PPFIA2: variants seen among roughly 807,000 people sequenced by gnomAD.
The protein encoded by PPFIA2 is PPFI scaffold protein A2.
In PPFIA2, 46 loss-of-function variants were observed where a neutral mutation model predicts 175.5. That is an observed-to-expected ratio of 0.26 (90% CI 0.21 to 0.34). The LOEUF is 0.34. Ranked by LOEUF, PPFIA2 falls within the 10% of genes least tolerant of loss-of-function variation. The pLI, the probability that PPFIA2 is intolerant of heterozygous loss-of-function variation, is 1.00. For synonymous variants in PPFIA2, 568 were observed against 511.4 expected (o/e 1.11, Z -1.49); for missense variants, 1,179 against 1,506.1 (o/e 0.78, Z 3.60).
At chr12:81,462,243 T>C (rs1227253863) in intron 4 of PPFIA2, among the ~76,000 whole-genome samples, 2 of 125,102 alleles carry the variant, frequency 1.6e-5, no homozygotes, top group South Asian at 2.6e-4. Context: ...TTGTCTGCCA[T>C]GCTTTTCTAA....
chr12:81,711,561 A>G (rs1208241965), intron 3 of PPFIA2, among the ~76,000 whole-genome samples: 1 of 151,376 alleles, frequency 6.6e-6, no homozygotes, highest in Non-Finnish European at 1.5e-5. Context: ...TGCTATAGTA[A>G]TAACACCTGT....
rs184541132 is a variant in PPFIA2, at chr12:81,485,206, C to T, written c.304-27340G>A. ...AAGTGATACTTCCATAAATGTGAAC[C>T]CAATGCATTATCTAGTCAATATATG... On this transcript the variant is annotated intron_variant, in intron 4 of 32. Transcript: ENST00000549396. 5.9e-5 allele frequency among the ~76,000 whole-genome samples: 9 copies of T among 151,792 alleles called. No individual in the cohort carries two copies. In the East Asian group the frequency reaches 1.7e-3, roughly 29 times the overall value.
intron 3 of PPFIA2, among the ~76,000 whole-genome samples, chr12:81,725,847 T>A (rs1214582329): frequency 6.6e-6 from 1 of 150,896 alleles, no homozygotes; most frequent in Non-Finnish European, 1.5e-5. Context: ...CATAAAAACC[T>A]TAAGAGGACC....
chr12:81,448,559 C>T, intron 5 of PPFIA2, among the ~76,000 whole-genome samples: 1 of 152,190 alleles, frequency 6.6e-6, no homozygotes, highest in Non-Finnish European at 1.5e-5. Flanking sequence ...CCTTATACAT[C>T]CCAAAGGGAT....
At chr12:81,264,940 CTA>C (rs565664067) in intron 30 of PPFIA2, among the ~76,000 whole-genome samples, 224 of 152,226 alleles carry the variant, frequency 1.5e-3, no homozygotes, top group Non-Finnish European at 1.4e-3. Context: ...TTATAAAACA[CTA>C]TGTTACACTG....
At chr12:81,280,764 A>G (rs921075801) in intron 27 of PPFIA2, among the ~76,000 whole-genome samples, 1 of 152,130 alleles carries the variant, frequency 6.6e-6, no homozygotes, top group Admixed American at 6.6e-5. Flanking sequence ...TTAATATACA[A>G]ATAAGCAAAC....
chr12:81,380,190 C>T (rs1351336591), intron 9 of PPFIA2, among the ~76,000 whole-genome samples: 1 of 151,974 alleles, frequency 6.6e-6, no homozygotes, highest in Non-Finnish European at 1.5e-5. Context: ...CATAGTGGGA[C>T]CCTTTCTCTA....
rs375103049 is a variant in PPFIA2 at position 81,583,718 on chromosome 12, G to A, written c.303+93073C>T. 2.6e-5 allele frequency among the ~76,000 whole-genome samples: 4 copies of A among 151,930 alleles called. 1 individual carries two copies. The East Asian group carries it at 7.8e-4, about 30-fold the overall frequency. ...TGTCTATGTGTGCATAACACAACAT[G>A]GAGACAGGGAATGGCATCCCTAAAG... On this transcript the variant is annotated intron_variant, in intron 4 of 32. Coordinates refer to ENST00000549396, the MANE Select transcript of PPFIA2 (RefSeq NM_003625.5).
intron 4 of PPFIA2, among the ~76,000 whole-genome samples, chr12:81,507,687 C>G (rs762148531): frequency 1.3e-5 from 2 of 152,188 alleles, no homozygotes; most frequent in Non-Finnish European, 2.9e-5. Flanking sequence ...CTGTAGTAAC[C>G]TAACTGATCT....
chr12:81,574,505 T>C (rs2073151744), intron 4 of PPFIA2, among the ~76,000 whole-genome samples: 1 of 151,782 alleles, frequency 6.6e-6, no homozygotes, highest in Admixed American at 6.6e-5. Context: ...TATGCCACTA[T>C]GTTCACCATC....
At chr12:81,624,036 A>G (rs2062382969) in intron 4 of PPFIA2, among the ~76,000 whole-genome samples, 1 of 151,974 alleles carries the variant, frequency 6.6e-6, no homozygotes, top group Non-Finnish European at 1.5e-5. Context: ...GCCAGAAGAA[A>G]AGATCCCATG....
intron 11 of PPFIA2, 38 bp downstream of exon 11, chr12:81,374,596 A>T: frequency 6.5e-7 from 1 of 1,539,150 alleles, no homozygotes; most frequent in Non-Finnish European, 8.7e-7. Context: ...TCCTTTCTAC[A>T]AATATATCTA....
At chr12:81,306,647 T>C (rs1198929649) in intron 22 of PPFIA2, among the ~76,000 whole-genome samples, 2 of 151,430 alleles carry the variant, frequency 1.3e-5, no homozygotes, top group African/African-American at 4.9e-5. Flanking sequence ...TTCAAGTGAT[T>C]GTCCTGCTTC....
intron 26 of PPFIA2, 90 bp from the exon 27 acceptor site, chr12:81,281,540 A>G (rs974001335): frequency 2.1e-5 from 18 of 850,758 alleles, no homozygotes; most frequent in African/African-American, 5.2e-5. Context: ...CTGATATTTA[A>G]TTACTATGAT....
At chr12:81,294,635 T>G in intron 24 of PPFIA2, 200 bp downstream of exon 24, 1 of 599,844 alleles carries the variant, frequency 1.7e-6, no homozygotes, top group Non-Finnish European at 2.9e-6. Flanking sequence ...TATGCTAGCT[T>G]TCACGTCTGA....
At chr12:81,593,588 G>T (rs2058917719) in intron 4 of PPFIA2, among the ~76,000 whole-genome samples, 2 of 152,132 alleles carry the variant, frequency 1.3e-5, no homozygotes, top group Admixed American at 1.3e-4. Context: ...TTATAACGAA[G>T]CATAAAATTT....
At chr12:81,395,939 A>G (rs768456940) in intron 8 of PPFIA2, among the ~76,000 whole-genome samples, 3 of 152,014 alleles carry the variant, frequency 2.0e-5, no homozygotes, top group Non-Finnish European at 2.9e-5. Flanking sequence ...AGTCTAATAC[A>G]TTGTAAATGG....
intron 14 of PPFIA2, among the ~76,000 whole-genome samples, chr12:81,363,860 T>C (rs2032025107): frequency 6.6e-6 from 1 of 152,020 alleles, no homozygotes; most frequent in Middle Eastern, 3.4e-3. Flanking sequence ...TAGTTTCTTA[T>C]TGATTTGTAA....
chr12:81,681,190 A>T (rs532582038), intron 3 of PPFIA2, among the ~76,000 whole-genome samples: 2 of 152,136 alleles, frequency 1.3e-5, no homozygotes, highest in South Asian at 2.1e-4. Context: ...ATGAATTTTT[A>T]TCATCAATGC....
Sources: allele counts gnomAD v4.1 joint callset (sites outside exome capture counted in the v4.1 genomes callset), GRCh38; gene constraint gnomAD v4.1.1; transcripts MANE v1.5; gene names NCBI Gene and HGNC (gene_info 2026-07-23, HGNC 2026-07-21).